Variants in TMEM272 observed in about 807,000 individuals in gnomAD.
TMEM272 encodes long intergenic non-protein coding RNA 282.
Under a neutral mutation model 3.7 loss-of-function variants are expected in TMEM272, and 8 were observed. The ratio of observed to expected loss-of-function variants is 2.17; its 90% confidence interval spans 1.27 to 3.91. The LOEUF is 3.91. Ranked by LOEUF, TMEM272 falls within the 30% of genes most tolerant of loss-of-function variation. The probability of loss-of-function intolerance (pLI) is 0.00; values close to 1 mark genes in which losing one functional copy is unlikely to be tolerated. For missense variants in TMEM272, 166 were observed against 91.5 expected (o/e 1.81, Z -3.32); for synonymous variants, 63 against 39.8 (o/e 1.58, Z -2.20).
chr13:51,833,834 A>G (rs1221853756), intron 2 of TMEM272, among the ~76,000 whole-genome samples: 1 of 152,186 alleles, frequency 6.6e-6, no homozygotes, highest in East Asian at 1.9e-4. Flanking sequence ...CTGATCCCTG[A>G]AAAGAGAGGG....
chr13:51,916,863 C>T, the TMEM272 span, among the ~76,000 whole-genome samples: 1 of 152,216 alleles, frequency 6.6e-6, no homozygotes. Flanking sequence ...TCTTCCTCCA[C>T]CCCGTGAGCA....
At chr13:51,872,748 T>G in the TMEM272 span, among the ~76,000 whole-genome samples, 1 of 152,196 alleles carries the variant, frequency 6.6e-6, no homozygotes, top group Non-Finnish European at 1.5e-5. Flanking sequence ...AGCTTCAGAT[T>G]TCTCAATGAC....
intron 2 of TMEM272, among the ~76,000 whole-genome samples, chr13:51,836,339 T>C (rs938486093): frequency 1.3e-5 from 2 of 152,152 alleles, no homozygotes; most frequent in African/African-American, 4.8e-5. Flanking sequence ...TGTTATAAAC[T>C]ACCTAGTCTG....
the TMEM272 span, among the ~76,000 whole-genome samples, chr13:51,925,894 T>C: frequency 1.3e-5 from 2 of 152,176 alleles, no homozygotes; most frequent in Admixed American, 6.5e-5. Flanking sequence ...ATTAGCTGTG[T>C]GTGTAGTAGT....
chr13:51,892,684 C>G, the TMEM272 span, among the ~76,000 whole-genome samples: 2 of 152,134 alleles, frequency 1.3e-5, no homozygotes, highest in African/African-American at 4.8e-5. Context: ...CTTCCATTTC[C>G]CATTCCCCAT....
the TMEM272 span, among the ~76,000 whole-genome samples, chr13:51,862,931 A>AC: frequency 6.6e-6 from 1 of 152,260 alleles, no homozygotes; most frequent in African/African-American, 2.4e-5. Context: ...GCTGGGTTAC[A>AC]GAGATGTCAG....
the TMEM272 span, among the ~76,000 whole-genome samples, chr13:51,896,626 G>C: frequency 6.6e-6 from 1 of 152,106 alleles, no homozygotes; most frequent in South Asian, 2.1e-4. Context: ...AGCCTGTTGC[G>C]ACCACCAGAG....
At chr13:51,878,421 C>A in the TMEM272 span, among the ~76,000 whole-genome samples, 1 of 152,116 alleles carries the variant, frequency 6.6e-6, no homozygotes, top group African/African-American at 2.4e-5. Context: ...CAGAGCGAGA[C>A]TCTGTCAAAA....
At chr13:51,896,976 C>A in the TMEM272 span, among the ~76,000 whole-genome samples, 1 of 152,120 alleles carries the variant, frequency 6.6e-6, no homozygotes, top group Admixed American at 6.5e-5. Flanking sequence ...CCATGTACAC[C>A]GTCAGAAGAC....
At chr13:51,915,077 G>C in the TMEM272 span, among the ~76,000 whole-genome samples, 537 of 152,284 alleles carry the variant, frequency 3.5e-3, 2 homozygotes, top group African/African-American at 0.012. Flanking sequence ...TGAAGAGCTG[G>C]AAAGTACCGC....
chr13:51,879,714 G>A, the TMEM272 span, among the ~76,000 whole-genome samples: 1 of 152,174 alleles, frequency 6.6e-6, no homozygotes, highest in Non-Finnish European at 1.5e-5. Flanking sequence ...CTTTGTGCCA[G>A]ACACCAAGCA....
chr13:51,905,397 G>C, the TMEM272 span, among the ~76,000 whole-genome samples: 1 of 152,210 alleles, frequency 6.6e-6, no homozygotes, highest in African/African-American at 2.4e-5. Context: ...CACCCAGTCA[G>C]GGAGATGCCA....
At chr13:51,887,911 A>T in the TMEM272 span, among the ~76,000 whole-genome samples, 1 of 152,206 alleles carries the variant, frequency 6.6e-6, no homozygotes, top group African/African-American at 2.4e-5. Context: ...ATGCCCAGTC[A>T]TCTCTAGTTT....
chr13:51,840,451 A>G (rs1045744162), intron 1 of TMEM272, among the ~76,000 whole-genome samples: 2 of 152,226 alleles, frequency 1.3e-5, no homozygotes, highest in African/African-American at 4.8e-5. Flanking sequence ...AAAATCTGCC[A>G]AACTTGAGGT....
chr13:51,834,665 T>A (rs1284185504), intron 2 of TMEM272, among the ~76,000 whole-genome samples: 1 of 152,178 alleles, frequency 6.6e-6, no homozygotes, highest in Non-Finnish European at 1.5e-5. Context: ...CACCCAGGCC[T>A]GAGCAGAAGG....
At chr13:51,892,308 C>T in the TMEM272 span, among the ~76,000 whole-genome samples, 48 of 152,332 alleles carry the variant, frequency 3.2e-4, no homozygotes, top group East Asian at 5.8e-4. Flanking sequence ...ACATCTACTC[C>T]GCTGTACACA....
chr13:51,887,911 A>C, the TMEM272 span, among the ~76,000 whole-genome samples: 68 of 152,206 alleles, frequency 4.5e-4, no homozygotes, highest in Non-Finnish European at 7.8e-4. Flanking sequence ...ATGCCCAGTC[A>C]TCTCTAGTTT....
At chr13:51,882,363 T>C in the TMEM272 span, among the ~76,000 whole-genome samples, 1 of 152,250 alleles carries the variant, frequency 6.6e-6, no homozygotes, top group Admixed American at 6.5e-5. Flanking sequence ...TCCCCAGGTA[T>C]AAGCTTGTTT....
At chr13:51,924,452 G>A in the TMEM272 span, among the ~76,000 whole-genome samples, 2 of 152,062 alleles carry the variant, frequency 1.3e-5, no homozygotes, top group East Asian at 3.9e-4. Context: ...GGGGGTGCTG[G>A]GTCTGTTGAT....
Sources: gnomAD v4.1 joint callset for allele counts (sites outside exome capture counted in the v4.1 genomes callset) on GRCh38, gnomAD v4.1.1 for gene constraint, MANE v1.5 for transcripts, NCBI Gene and HGNC (gene_info 2026-07-23, HGNC 2026-07-21) for gene names.